Variants in BOC observed in about 807,000 individuals in gnomAD.
BOC encodes the protein BOC cell adhesion associated, oncogene regulated, also known as brother of CDO.
BOC carries 76 observed loss-of-function variants against 112.0 expected under a neutral mutation model. That is an observed-to-expected ratio of 0.68 (90% confidence interval 0.56 to 0.82). The LOEUF (loss-of-function observed/expected upper bound fraction) is 0.82, where lower values mean the gene tolerates loss of function less well. Ranked by LOEUF, BOC falls within the 40% of genes least tolerant of loss-of-function variation. The probability of loss-of-function intolerance (pLI) is 0.00; values close to 1 mark genes in which losing one functional copy is unlikely to be tolerated. For synonymous variants in BOC, 580 were observed against 599.8 expected, an observed-to-expected ratio of 0.97 and a Z score of 0.48; for missense variants, 1,309 against 1,511.7, an observed-to-expected ratio of 0.87 and a Z score of 2.22.
intron 9 of BOC, among the ~76,000 whole-genome samples, chr3:113,277,139 C>T (rs1466948309): frequency 6.6e-6 from 1 of 152,182 alleles, no homozygotes; most frequent in Admixed American, 6.5e-5. Context: ...GGACTGAAGG[C>T]AGGAGCGGAA....
At chr3:113,276,683 T>C (rs1576489057) in intron 9 of BOC, among the ~76,000 whole-genome samples, 1 of 152,318 alleles carries the variant, frequency 6.6e-6, no homozygotes, top group South Asian at 2.1e-4. Flanking sequence ...ATGAAGCAAG[T>C]TTCATTTCCT....
Position 113,268,352 on chromosome 3 carries a change from AAC to A in BOC, c.434_435del (p.Thr145SerfsTer9). 1 of 1,614,148 alleles carries A rather than the reference AAC, an allele frequency of 6.2e-7. No individual in the cohort carries two copies. The highest frequency in any genetic ancestry group is 8.5e-7 in the Non-Finnish European group (1 of 1,180,008). On this transcript the variant is annotated frameshift_variant, in exon 5 of 20. Coordinates refer to ENST00000682979, the MANE Select transcript of BOC (RefSeq NM_001378074.1). LOFTEE classifies it high-confidence loss of function. ...VQHVIEVDEG[N>X]TAVIACHLPE... ...GCACGTGATTGAAGTGGATGAGGGA[AAC>A]ACAGCAGTCATTGCCTGCCACCTGC... is the stretch of plus-strand genomic sequence containing the variant.
chr3:113,227,374 A>T (rs1941835860), intron 2 of BOC, among the ~76,000 whole-genome samples: 1 of 152,170 alleles, frequency 6.6e-6, no homozygotes, highest in African/African-American at 2.4e-5. Flanking sequence ...CATTGGTGAG[A>T]TATGCACAGT....
Position 113,249,722 on chromosome 3 carries a change from AGTGTT to A in BOC, c.-79_-75del. 8.5e-7 allele frequency: 1 copy of A among 1,172,044 alleles called. No individual in the cohort carries two copies. Among genetic ancestry groups the A allele is most frequent in the Non-Finnish European group, 1.2e-6 (1 of 816,984 alleles). The allele number at this position is 1,172,044 out of a possible 1,614,324, so 72.6% of individuals were successfully genotyped here. On this transcript the variant is annotated splice_region_variant and 5_prime_UTR_variant, in exon 3 of 20. It introduces an in-frame stop codon into an upstream open reading frame of the 5' UTR. Coordinates refer to ENST00000682979, the MANE Select transcript of BOC (RefSeq NM_001378074.1). ...GCTCTCCCTTTCTCTCTTACAACAG[AGTGTT>A]GCCAGGGACGGCAGTATCTCTTTGT...
intron 19 of BOC, among the ~76,000 whole-genome samples, chr3:113,286,441 C>T (rs376601745): frequency 6.6e-6 from 1 of 152,086 alleles, no homozygotes; most frequent in Non-Finnish European, 1.5e-5. Context: ...GGGCTCAGTG[C>T]GGGAGTCTCT....
chr3:113,286,976 T>C lies in BOC; in HGVS notation c.*114T>C, dbSNP rs749878311. ...TTTTTCTATTATAGCCATATTTATA[T>C]ATTTATGCACTTGTAAATAAATGTA... On this transcript the variant is annotated 3_prime_UTR_variant, in exon 20 of 20. Transcript: ENST00000682979. The C allele has an allele frequency of 5.8e-6, 6 of 1,041,920 alleles. No individual in the cohort carries two copies. In the African/African-American group the frequency reaches 8.1e-5, roughly 14 times the overall value. 64.5% of individuals were successfully genotyped at this position (1,041,920 alleles called of 1,614,324 possible).
In BOC at chr3:113,250,793, G is replaced by C; in HGVS notation, c.336G>C (p.Ala112=). Residue 112 remains alanine (A), a synonymous_variant, in exon 4 of 20, where the codon GCG becomes GCC. Coordinates refer to ENST00000682979, the MANE Select transcript of BOC (RefSeq NM_001378074.1). ...GRYQCVARMP[A]GAVASVPATV... Reference sequence around the variant, plus strand: ...ACCAGTGTGTGGCCCGGATGCCTGCGGGGGCTGTGGCCAGCGTGCCAGCCA... The same window carrying C: ...ACCAGTGTGTGGCCCGGATGCCTGCCGGGGCTGTGGCCAGCGTGCCAGCCA... The C allele has an allele frequency of 1.2e-6, 2 of 1,613,918 alleles. No individual in the cohort carries two copies. The highest frequency in any genetic ancestry group is 2.2e-5 in the South Asian group (2 of 91,070).
At position 113,287,138 on chromosome 3, in the gene BOC, G is replaced by A; in HGVS notation, c.*276G>A. 1 of 461,600 alleles carries A rather than the reference G, an allele frequency of 2.2e-6. No individual in the cohort carries two copies. The highest frequency in any genetic ancestry group is 4.2e-6 in the Non-Finnish European group (1 of 240,028). The allele number at this position is 461,600 out of a possible 1,614,324, so 28.6% of individuals were successfully genotyped here. A position where few individuals can be genotyped will look rare whatever the true frequency, so the allele number is the denominator to read the frequency against. ...TGGCGCGGGACAGACTCCTAACCTGGGGCCTCTGCAGTGGCAGGCGAGGCT... is the reference window on the plus strand; with the variant it reads ...TGGCGCGGGACAGACTCCTAACCTGAGGCCTCTGCAGTGGCAGGCGAGGCT... On this transcript the variant is annotated 3_prime_UTR_variant, in exon 20 of 20. Transcript: ENST00000682979.
intron 2 of BOC, among the ~76,000 whole-genome samples, chr3:113,228,862 CT>C (rs1942119067): frequency 6.6e-6 from 1 of 152,220 alleles, no homozygotes; most frequent in African/African-American, 2.4e-5. Flanking sequence ...AAGGCCCTGA[CT>C]TTCAGCAGGC....
chr3:113,280,417 G>A, intron 13 of BOC, 141 bp from the exon 14 acceptor site: 2 of 657,802 alleles, frequency 3.0e-6, no homozygotes, highest in Admixed American at 5.0e-5. Context: ...GAACCTCAGG[G>A]ATATCATTAG....
Position 113,285,436 on chromosome 3 carries a change from C to A in BOC, c.3031C>A (p.Gln1011Lys). The change falls in exon 19 of 20, where the codon CAG becomes AAG. Residue 1011 changes from glutamine (Q) to lysine (K), a missense_variant. By Grantham distance (53) the Gln-to-Lys change is moderately conservative (BLOSUM62 1). Coordinates refer to ENST00000682979, the MANE Select transcript of BOC (RefSeq NM_001378074.1). ...LYTLPDDSTH[Q>K]LLQPHHDCCQ... ...CACACTGCCCGACGACTCCACTCACCAGCTGCTGCAGCCCCATCACGACTG... is the reference window on the plus strand; with the variant it reads ...CACACTGCCCGACGACTCCACTCACAAGCTGCTGCAGCCCCATCACGACTG... 1.2e-6 allele frequency: 2 copies of A among 1,614,016 alleles called. No homozygotes were observed. The highest frequency in any genetic ancestry group is 8.5e-7 in the Non-Finnish European group (1 of 1,179,946).
At chr3:113,284,641 T>G in intron 17 of BOC, 74 bp downstream of exon 17, 1 of 1,523,568 alleles carries the variant, frequency 6.6e-7, no homozygotes, top group Non-Finnish European at 9.0e-7. Flanking sequence ...TTGGGGGGCC[T>G]CCTCCCTCCT....
rs140882220 is a variant in BOC, at chr3:113,219,717, T to A, written c.-82+3443T>A. Among the ~76,000 whole-genome samples the A allele has an allele frequency of 1.3e-3, 204 of 152,334 alleles. 1 individual carries two copies. The highest frequency in any genetic ancestry group is 4.6e-3 in the African/African-American group (193 of 41,578). ...AGAGACTCAAATTTAAAACTGGGACTACAGCTAGGAGATTCTGAATGGCTC... is the reference window on the plus strand; with the variant it reads ...AGAGACTCAAATTTAAAACTGGGACAACAGCTAGGAGATTCTGAATGGCTC... On this transcript the variant is annotated intron_variant, in intron 2 of 19. Coordinates refer to ENST00000682979, the MANE Select transcript of BOC (RefSeq NM_001378074.1).
intron 15 of BOC, among the ~76,000 whole-genome samples, chr3:113,282,614 C>T (rs1949296061): frequency 6.6e-6 from 1 of 151,844 alleles, no homozygotes; most frequent in African/African-American, 2.4e-5. Context: ...GCAGGGGGTC[C>T]GGGTGGGGAG....
intron 5 of BOC, chr3:113,269,689 C>T (rs1947899253): frequency 6.6e-6 from 1 of 152,178 alleles, no homozygotes; most frequent in African/African-American, 2.4e-5. Context: ...TCCAACCACT[C>T]AGAACTAACT....
intron 19 of BOC, among the ~76,000 whole-genome samples, chr3:113,286,460 A>G (rs1949704904): frequency 6.6e-6 from 1 of 152,144 alleles, no homozygotes; most frequent in South Asian, 2.1e-4. Flanking sequence ...CTACAGTCCC[A>G]GCATGAGTGG....
intron 2 of BOC, among the ~76,000 whole-genome samples, chr3:113,218,946 A>G (rs1940030064): frequency 6.6e-6 from 1 of 152,204 alleles, no homozygotes; most frequent in South Asian, 2.1e-4. Context: ...GTGGCTTTCT[A>G]TAGGTGGGTT....
In BOC at chr3:113,250,631, G is replaced by C; in HGVS notation, c.174G>C (p.Val58=). ...GAGGCACTGTGATCTTGGGCTGCGT[G>C]GTGGAACCTCCAAGGATGAATGTAA... is the stretch of plus-strand genomic sequence containing the variant. The part of the protein sequence containing the change: ...KPGGTVILGC[V]VEPPRMNVTW... The change falls in exon 4 of 20, where the codon GTG becomes GTC. Residue 58 remains valine, a synonymous_variant. Transcript: ENST00000682979. The C allele has an allele frequency of 6.2e-7, 1 of 1,614,222 alleles. No individual in the cohort carries two copies. The highest frequency in any genetic ancestry group is 8.5e-7 in the Non-Finnish European group (1 of 1,180,040).
intron 2 of BOC, among the ~76,000 whole-genome samples, chr3:113,239,856 C>T (rs1415301198): frequency 6.6e-6 from 1 of 152,122 alleles, no homozygotes; most frequent in Non-Finnish European, 1.5e-5. Context: ...TATGCTGGGT[C>T]ACAGTAACCT....
Sources: allele counts gnomAD v4.1 joint callset (sites outside exome capture counted in the v4.1 genomes callset), GRCh38; gene constraint gnomAD v4.1.1; transcripts MANE v1.5; gene names NCBI Gene and HGNC (gene_info 2026-07-23, HGNC 2026-07-21).